The following JHY variants were observed in gnomAD, a reference collection of about 807,000 sequenced individuals.
JHY encodes the protein jhy protein homolog.
JHY carries 69 observed loss-of-function variants against 78.0 expected under a neutral mutation model. The ratio of observed to expected loss-of-function variants is 0.88; its 90% CI spans 0.73 to 1.08. The LOEUF is 1.08. Among genes scored for constraint, JHY ranks in the 50% least tolerant of loss-of-function variants. JHY has a pLI of 0.00. For synonymous variants in JHY, 368 were observed against 342.6 expected, an observed-to-expected ratio of 1.07 and a Z score of -0.82; for missense variants, 944 against 927.8, an observed-to-expected ratio of 1.02 and a Z score of -0.23.
chr11:122,932,465 C>G (rs542505280), intron 4 of JHY, among the ~76,000 whole-genome samples: 1 of 151,908 alleles, frequency 6.6e-6, no homozygotes. Context: ...CATCTAGTAC[C>G]CAAGAAATTT....
Position 122,910,896 on chromosome 11 carries a change from A to G in JHY, c.864+6452A>G, listed in dbSNP as rs1365755991. On this transcript the variant is annotated intron_variant, in intron 3 of 8. Coordinates refer to ENST00000227349, the MANE Select transcript of JHY (RefSeq NM_024806.4). ...TTGTACATTAACATACATTGGAAAA[A>G]TCACCTTTGAATACATGACAAAATC... is the stretch of plus-strand genomic sequence containing the variant. Among the ~76,000 whole-genome samples, 3 of 152,308 alleles carry G rather than the reference A, an allele frequency of 2.0e-5. No individual in the cohort carries two copies. In the East Asian group the frequency reaches 5.8e-4, roughly 29 times the overall value.
chr11:122,903,822 T>C (rs982555870), intron 2 of JHY, 103 bp from the exon 3 acceptor site: 22 of 1,425,090 alleles, frequency 1.5e-5, no homozygotes, highest in African/African-American at 7.2e-5. Flanking sequence ...AGGAAAACTA[T>C]AGGAGAAAGA....
chr11:122,889,020 T>TTCCA (rs1862554362), intron 2 of JHY, among the ~76,000 whole-genome samples: 1 of 152,142 alleles, frequency 6.6e-6, no homozygotes, highest in African/African-American at 2.4e-5. Flanking sequence ...AGGGTATAAA[T>TTCCA]CTCCAGGAGT....
intron 8 of JHY, chr11:122,958,817 G>A (rs1458981710): frequency 1.0e-6 from 1 of 984,910 alleles, no homozygotes; most frequent in African/African-American, 1.7e-5. Flanking sequence ...AATGATGGGA[G>A]CTCAAGTGTA....
intron 2 of JHY, among the ~76,000 whole-genome samples, chr11:122,889,572 G>A (rs1862566685): frequency 6.6e-6 from 1 of 152,090 alleles, no homozygotes; most frequent in Non-Finnish European, 1.5e-5. Flanking sequence ...TTTATAAAAG[G>A]GACTTTCCCA....
intron 3 of JHY, among the ~76,000 whole-genome samples, chr11:122,924,639 T>C (rs949602291): frequency 6.6e-6 from 1 of 152,202 alleles, no homozygotes; most frequent in Non-Finnish European, 1.5e-5. Flanking sequence ...TGAGTATGTA[T>C]TGAGCATGTA....
intron 3 of JHY, among the ~76,000 whole-genome samples, chr11:122,906,369 T>C (rs1862993138): frequency 6.6e-6 from 1 of 152,056 alleles, no homozygotes; most frequent in African/African-American, 2.4e-5. Flanking sequence ...TGTTTTTAAA[T>C]GTCTTTATAG....
chr11:122,952,449 C>T (rs887181180), intron 6 of JHY, among the ~76,000 whole-genome samples: 3 of 152,136 alleles, frequency 2.0e-5, no homozygotes, highest in South Asian at 2.1e-4. Flanking sequence ...GAACAAACTC[C>T]GTTAGGAGCC....
intron 2 of JHY, among the ~76,000 whole-genome samples, chr11:122,887,899 T>A (rs932299607): frequency 2.6e-5 from 4 of 152,188 alleles, no homozygotes; most frequent in African/African-American, 9.7e-5. Flanking sequence ...GTAACCATCC[T>A]ACCACAGATG....
At chr11:122,926,130 G>A (rs1863493283) in intron 4 of JHY, among the ~76,000 whole-genome samples, 1 of 147,088 alleles carries the variant, frequency 6.8e-6, no homozygotes, top group African/African-American at 2.5e-5. Context: ...GGAAGTTGCA[G>A]TGAGCCAAGA....
At chr11:122,946,393 G>A in intron 5 of JHY, 105 bp from the exon 6 acceptor site, 1 of 1,199,372 alleles carries the variant, frequency 8.3e-7, no homozygotes, top group Non-Finnish European at 1.1e-6. Flanking sequence ...TTTGATTTGA[G>A]AGTGATAAAT....
chr11:122,896,719 T>A (rs1272273801), intron 2 of JHY, among the ~76,000 whole-genome samples: 1 of 152,230 alleles, frequency 6.6e-6, no homozygotes, highest in Non-Finnish European at 1.5e-5. Context: ...AACGGTGTTA[T>A]GTCACGGGGA....
chr11:122,933,902 C>T (rs1320369459), intron 4 of JHY, among the ~76,000 whole-genome samples: 3 of 152,108 alleles, frequency 2.0e-5, no homozygotes, highest in East Asian at 1.9e-4. Context: ...GTACTTTCTC[C>T]GTATCTCTCG....
chr11:122,930,757 T>C (rs1406173257), intron 4 of JHY, among the ~76,000 whole-genome samples: 1 of 152,216 alleles, frequency 6.6e-6, no homozygotes, highest in Non-Finnish European at 1.5e-5. Context: ...GAATGCAGTA[T>C]GTTTAAGGCT....
chr11:122,884,020 G>T (rs569038511), intron 1 of JHY, among the ~76,000 whole-genome samples: 10 of 152,162 alleles, frequency 6.6e-5, no homozygotes, highest in Admixed American at 6.5e-4. Flanking sequence ...GTATTTGATA[G>T]ATTTGCTGCT....
At chr11:122,939,624 T>C (rs1029536787) in intron 5 of JHY, among the ~76,000 whole-genome samples, 5 of 152,176 alleles carry the variant, frequency 3.3e-5, no homozygotes, top group African/African-American at 1.2e-4. Context: ...TTCTGCCACG[T>C]TTTTTCTACC....
chr11:122,946,901 C>T, intron 6 of JHY, 109 bp downstream of exon 6: 3 of 1,335,570 alleles, frequency 2.2e-6, no homozygotes, highest in African/African-American at 2.9e-5. Context: ...GAGTTGCTGC[C>T]ACACTGGGTC....
At chr11:122,892,502 T>C (rs1194837156) in intron 2 of JHY, among the ~76,000 whole-genome samples, 2 of 152,074 alleles carry the variant, frequency 1.3e-5, no homozygotes, top group Non-Finnish European at 2.9e-5. Flanking sequence ...TTTTGTATTT[T>C]TAGTAGAGAC....
intron 4 of JHY, among the ~76,000 whole-genome samples, chr11:122,925,356 C>G (rs1311005356): frequency 6.6e-6 from 1 of 152,168 alleles, no homozygotes; most frequent in Non-Finnish European, 1.5e-5. Flanking sequence ...AAATCTGATT[C>G]CTTTTGGAGT....
Sources: allele counts gnomAD v4.1 joint callset (sites outside exome capture counted in the v4.1 genomes callset), GRCh38; gene constraint gnomAD v4.1.1; transcripts MANE v1.5; gene names NCBI Gene and HGNC (gene_info 2026-07-23, HGNC 2026-07-21).